MAGI2: variants seen among roughly 807,000 people sequenced by gnomAD.
MAGI2 encodes the protein membrane-associated guanylate kinase, WW and PDZ domain-containing protein 2.
Under a neutral mutation model 133.3 loss-of-function variants are expected in MAGI2, and 35 were observed. The observed-to-expected ratio is 0.26, with a 90% CI of 0.20 to 0.35. The LOEUF (loss-of-function observed/expected upper bound fraction) is 0.35. Among genes scored for constraint, MAGI2 ranks in the 10% least tolerant of loss-of-function variants. MAGI2 has a pLI of 1.00. For missense variants in MAGI2, 1,636 were observed against 1,863.4 expected, an observed-to-expected ratio of 0.88 and a Z score of 2.25; for synonymous variants, 729 against 710.6, an observed-to-expected ratio of 1.03 and a Z score of -0.41.
chr7:78,178,140 C>A (rs760994104), intron 13 of MAGI2, 38 bp from the exon 14 acceptor site: 3 of 1,314,896 alleles, frequency 2.3e-6, no homozygotes, highest in South Asian at 2.4e-5. Context: ...ATGAATCCTG[C>A]CTCTTTCCCA....
At chr7:78,571,804 GAGTT>G (rs1233300573) in intron 3 of MAGI2, among the ~76,000 whole-genome samples, 2 of 152,154 alleles carry the variant, frequency 1.3e-5, no homozygotes, top group Non-Finnish European at 2.9e-5. Context: ...TTTGTCTAAT[GAGTT>G]AGTTTCTAGC....
chr7:79,269,003 T>C (rs1834680353), intron 1 of MAGI2, among the ~76,000 whole-genome samples: 1 of 152,136 alleles, frequency 6.6e-6, no homozygotes, highest in Admixed American at 6.5e-5. Flanking sequence ...CCCCACGTCA[T>C]TCCCACAATC....
At chr7:78,590,864 T>C (rs1269748520) in intron 3 of MAGI2, among the ~76,000 whole-genome samples, 2 of 152,168 alleles carry the variant, frequency 1.3e-5, no homozygotes, top group African/African-American at 4.8e-5. Flanking sequence ...TTCCCTAAAG[T>C]AGTTCCAAAG....
chr7:78,567,446 CT>C (rs895737802), intron 3 of MAGI2, among the ~76,000 whole-genome samples: 2 of 151,900 alleles, frequency 1.3e-5, no homozygotes, highest in Admixed American at 1.3e-4. Context: ...AAATGAGTGA[CT>C]TTTTTTCTCT....
At chr7:78,815,402 A>T (rs1317834723) in intron 2 of MAGI2, among the ~76,000 whole-genome samples, 1 of 152,200 alleles carries the variant, frequency 6.6e-6, no homozygotes, top group Non-Finnish European at 1.5e-5. Context: ...GAGTTAATGG[A>T]AAGAACTGAG....
chr7:78,793,519 G>T (rs895399197), intron 2 of MAGI2, among the ~76,000 whole-genome samples: 1 of 151,844 alleles, frequency 6.6e-6, no homozygotes, highest in African/African-American at 2.4e-5. Context: ...AATTTTTGTT[G>T]GTACAGCATC....
intron 1 of MAGI2, among the ~76,000 whole-genome samples, chr7:79,245,505 A>T (rs1832752741): frequency 6.6e-6 from 1 of 152,126 alleles, no homozygotes; most frequent in Non-Finnish European, 1.5e-5. Flanking sequence ...TACTCTCTAC[A>T]AGTTCGGGGT....
chr7:79,355,667 G>GTTTT (rs1292312253), intron 1 of MAGI2, among the ~76,000 whole-genome samples: 1 of 152,044 alleles, frequency 6.6e-6, no homozygotes, highest in African/African-American at 2.4e-5. Flanking sequence ...GTTTTGTTTT[G>GTTTT]TTTTCCTAAA....
At chr7:79,249,946 A>T (rs1563044882) in intron 1 of MAGI2, among the ~76,000 whole-genome samples, 1 of 152,150 alleles carries the variant, frequency 6.6e-6, no homozygotes, top group Non-Finnish European at 1.5e-5. Context: ...ACATTAAATC[A>T]TTTATCGTGA....
At chr7:78,913,222 G>A (rs975186577) in intron 2 of MAGI2, among the ~76,000 whole-genome samples, 1 of 152,126 alleles carries the variant, frequency 6.6e-6, no homozygotes, top group African/African-American at 2.4e-5. Flanking sequence ...AATGTTGGAG[G>A]TGGGGCCTGA....
intron 1 of MAGI2, among the ~76,000 whole-genome samples, chr7:79,407,343 C>T (rs1473754971): frequency 6.6e-6 from 1 of 152,096 alleles, no homozygotes; most frequent in Non-Finnish European, 1.5e-5. Context: ...TTCTTACAAA[C>T]CCTGAAAGAT....
chr7:78,243,256 C>G lies in MAGI2; in HGVS notation c.2047+12687G>C, dbSNP rs920878884. On this transcript the variant is annotated intron_variant, in intron 10 of 21. Coordinates refer to ENST00000354212, the MANE Select transcript of MAGI2 (RefSeq NM_012301.4). ...ACACACACACACACACACACACACA[C>G]ACACACACACACACTCTCTCTCTCT... Among the ~76,000 whole-genome samples, 99 of 40,598 alleles carry G rather than the reference C, an allele frequency of 2.4e-3. 1 individual carries two copies. The East Asian group carries it at 0.058, about 24-fold the overall frequency. The allele number at this position is 40,598 out of a possible 152,430, so 26.6% of individuals were successfully genotyped here. A position where few individuals can be genotyped will look rare whatever the true frequency, so the allele number is the denominator to read the frequency against.
chr7:78,408,242 C>T (rs1797565836), intron 6 of MAGI2, among the ~76,000 whole-genome samples: 1 of 151,962 alleles, frequency 6.6e-6, no homozygotes, highest in Admixed American at 6.6e-5. Context: ...GGTGGAATGG[C>T]TAAATCAGGC....
At chr7:79,168,760 AG>A in intron 1 of MAGI2, among the ~76,000 whole-genome samples, 1 of 152,034 alleles carries the variant, frequency 6.6e-6, no homozygotes, top group African/African-American at 2.4e-5. Flanking sequence ...ATTTCTTCAT[AG>A]GTGATACTGA....
In MAGI2 at chr7:78,740,029, C is replaced by T. The variant is rs563205687; in HGVS notation, c.419-112790G>A. On this transcript the variant is annotated intron_variant, in intron 2 of 21. Transcript: ENST00000354212. ...ACAAAAAATTAGCTGGGCGTGGTGG[C>T]GGGCGCCTGTAGTCCCAGCTACTCG... 3.3e-5 allele frequency among the ~76,000 whole-genome samples: 5 copies of T among 152,068 alleles called. No homozygotes were observed. The South Asian group carries it at 6.2e-4, about 19-fold the overall frequency.
intron 1 of MAGI2, among the ~76,000 whole-genome samples, chr7:79,192,725 C>A (rs1464471224): frequency 1.3e-5 from 2 of 151,712 alleles, no homozygotes; most frequent in African/African-American, 2.4e-5. Context: ...AAGAGAGATA[C>A]AAAGAGGACA....
chr7:79,368,865 A>T (rs1247584208), intron 1 of MAGI2, among the ~76,000 whole-genome samples: 1 of 139,744 alleles, frequency 7.2e-6, no homozygotes, highest in Non-Finnish European at 1.6e-5. Context: ...AAAAAAAAAA[A>T]AAAAAAAAAA....
At chr7:78,604,501 A>G (rs908895552) in intron 3 of MAGI2, among the ~76,000 whole-genome samples, 2 of 152,246 alleles carry the variant, frequency 1.3e-5, no homozygotes, top group Non-Finnish European at 2.9e-5. Context: ...CTAATGTAAT[A>G]AATGAAATTC....
intron 1 of MAGI2, among the ~76,000 whole-genome samples, chr7:79,175,284 T>A (rs1284748390): frequency 6.6e-6 from 1 of 151,902 alleles, no homozygotes; most frequent in Admixed American, 6.6e-5. Flanking sequence ...AATTTTCAAT[T>A]TTCTTCTTTA....
Sources: allele counts gnomAD v4.1 joint callset (sites outside exome capture counted in the v4.1 genomes callset), GRCh38; gene constraint gnomAD v4.1.1; transcripts MANE v1.5; gene names NCBI Gene and HGNC (gene_info 2026-07-23, HGNC 2026-07-21).